UNC13C: variants seen among roughly 807,000 people sequenced by gnomAD.
The protein encoded by UNC13C is unc-13 homolog C.
Under a neutral mutation model 245.4 loss-of-function variants are expected in UNC13C, and 174 were observed. The observed-to-expected ratio is 0.71, with a 90% CI of 0.63 to 0.80. The LOEUF is 0.80. Among genes scored for constraint, UNC13C ranks in the 30% least tolerant of loss-of-function variants. UNC13C has a pLI of 0.00. For missense variants in UNC13C, 2,829 were observed against 2,602.9 expected (o/e 1.09, Z -1.89); for synonymous variants, 992 against 895.1 (o/e 1.11, Z -1.93).
intron 25 of UNC13C, among the ~76,000 whole-genome samples, chr15:54,528,010 G>A (rs773392901): frequency 5.9e-5 from 9 of 151,766 alleles, no homozygotes; most frequent in Non-Finnish European, 1.2e-4. Context: ...GGTCTAAATT[G>A]GCAGTGTAGA....
chr15:54,537,482 A>T (rs975432820), intron 26 of UNC13C, among the ~76,000 whole-genome samples: 2 of 151,984 alleles, frequency 1.3e-5, no homozygotes, highest in South Asian at 2.1e-4. Context: ...GAAAAAAAAA[A>T]TTTCAAAATT....
At chr15:54,076,265 C>A (rs111713591) in intron 2 of UNC13C, among the ~76,000 whole-genome samples, 1 of 121,326 alleles carries the variant, frequency 8.2e-6, no homozygotes, top group Non-Finnish European at 1.7e-5. Flanking sequence ...CCCCTCCCCC[C>A]ACCCCACCAC....
chr15:53,919,664 T>G, the UNC13C span, among the ~76,000 whole-genome samples: 1 of 152,232 alleles, frequency 6.6e-6, no homozygotes, highest in African/African-American at 2.4e-5. Context: ...TTTAGGTATA[T>G]TCAATAGCCA....
intron 4 of UNC13C, among the ~76,000 whole-genome samples, chr15:54,179,114 G>A (rs1429999901): frequency 3.3e-5 from 5 of 152,098 alleles, no homozygotes; most frequent in Admixed American, 6.6e-5. Flanking sequence ...ATCCATGATT[G>A]AGTAGAAGTG....
At chr15:54,500,999 C>G (rs777645613) in intron 22 of UNC13C, 21 bp downstream of exon 22, 5 of 1,608,132 alleles carry the variant, frequency 3.1e-6, no homozygotes, top group Admixed American at 1.7e-5. Context: ...TAAAATGAGT[C>G]TTCTTTTTCT....
intron 14 of UNC13C, 106 bp downstream of exon 14, chr15:54,322,201 AT>A: frequency 1.8e-6 from 2 of 1,126,690 alleles, no homozygotes; most frequent in Non-Finnish European, 2.4e-6. Flanking sequence ...CAGAAAGGAC[AT>A]TTTAGGGAAT....
At chr15:54,386,322 A>G (rs2039836196) in intron 17 of UNC13C, among the ~76,000 whole-genome samples, 1 of 152,354 alleles carries the variant, frequency 6.6e-6, no homozygotes, top group Admixed American at 6.5e-5. Flanking sequence ...TTATTCAGAC[A>G]TTGCTATAGC....
intron 4 of UNC13C, among the ~76,000 whole-genome samples, chr15:54,199,186 C>A (rs1383188546): frequency 6.6e-6 from 1 of 151,992 alleles, no homozygotes; most frequent in Admixed American, 6.6e-5. Flanking sequence ...CCAAGAAGTT[C>A]AGGACTATGT....
the UNC13C span, among the ~76,000 whole-genome samples, chr15:53,838,553 A>C: frequency 6.6e-6 from 1 of 152,028 alleles, no homozygotes; most frequent in Non-Finnish European, 1.5e-5. Context: ...TTTCTTCTTC[A>C]AACTTAAAGT....
chr15:53,891,871 A>T, the UNC13C span, among the ~76,000 whole-genome samples: 1 of 152,220 alleles, frequency 6.6e-6, no homozygotes, highest in Admixed American at 6.5e-5. Flanking sequence ...TTTAAAGTTA[A>T]TATTGTTATA....
intron 30 of UNC13C, among the ~76,000 whole-genome samples, chr15:54,569,624 A>G (rs2141219763): frequency 6.6e-6 from 1 of 151,918 alleles, no homozygotes; most frequent in South Asian, 2.1e-4. Flanking sequence ...ATAATCAACT[A>G]TGGTATATGG....
At chr15:53,915,182 C>G in the UNC13C span, among the ~76,000 whole-genome samples, 1 of 151,986 alleles carries the variant, frequency 6.6e-6, no homozygotes, top group African/African-American at 2.4e-5. Flanking sequence ...GACTCTGGTC[C>G]TACCTGGTTT....
chr15:53,898,206 C>CCACCATCAT, the UNC13C span, among the ~76,000 whole-genome samples: 8 of 151,000 alleles, frequency 5.3e-5, no homozygotes, highest in South Asian at 2.1e-4. Flanking sequence ...ACCACCACCA[C>CCACCATCAT]CATCATCATC....
the UNC13C span, among the ~76,000 whole-genome samples, chr15:53,918,498 C>T: frequency 2.6e-5 from 4 of 152,214 alleles, no homozygotes; most frequent in Non-Finnish European, 4.4e-5. Flanking sequence ...CTCCCTCAGA[C>T]GCAGCATCAG....
the UNC13C span, among the ~76,000 whole-genome samples, chr15:53,885,351 G>A: frequency 6.6e-6 from 1 of 152,162 alleles, no homozygotes; most frequent in East Asian, 1.9e-4. Context: ...ATCTAGACAG[G>A]CCACTGTCTA....
chr15:54,285,004 T>A (rs2037105138), intron 10 of UNC13C, among the ~76,000 whole-genome samples: 1 of 152,134 alleles, frequency 6.6e-6, no homozygotes, highest in South Asian at 2.1e-4. Flanking sequence ...TCAGGGAAAT[T>A]AATGTAGTTT....
chr15:54,459,102 T>G (rs1311546084), intron 19 of UNC13C, among the ~76,000 whole-genome samples: 1 of 152,172 alleles, frequency 6.6e-6, no homozygotes, highest in African/African-American at 2.4e-5. Flanking sequence ...AGTGGTGAAT[T>G]CTCTCAGCAT....
the UNC13C span, among the ~76,000 whole-genome samples, chr15:53,922,175 A>G: frequency 3.3e-5 from 5 of 152,216 alleles, no homozygotes; most frequent in South Asian, 1.0e-3. Context: ...AGCTGTGTTC[A>G]AACTGTAGCC....
intron 14 of UNC13C, among the ~76,000 whole-genome samples, chr15:54,327,589 C>T (rs531691411): frequency 6.6e-6 from 1 of 152,056 alleles, no homozygotes; most frequent in East Asian, 1.9e-4. Context: ...TTATTCAAGA[C>T]TATTGCAATA....
Sources: gnomAD v4.1 joint callset for allele counts (sites outside exome capture counted in the v4.1 genomes callset) on GRCh38, gnomAD v4.1.1 for gene constraint, MANE v1.5 for transcripts, NCBI Gene and HGNC (gene_info 2026-07-23, HGNC 2026-07-21) for gene names.